Variants in CTNNA3 observed in about 807,000 individuals in gnomAD.
The protein encoded by CTNNA3 is catenin alpha 3, also known as catenin alpha-3.
CTNNA3 carries 76 observed loss-of-function variants against 95.7 expected under a neutral mutation model. The observed-to-expected ratio is 0.79, with a 90% CI of 0.66 to 0.96. CTNNA3 has a LOEUF of 0.96. CTNNA3 is among the 40% of genes least tolerant of loss of function. The pLI, the probability that CTNNA3 is intolerant of heterozygous loss-of-function variation, is 0.00. For synonymous variants in CTNNA3, 431 were observed against 374.4 expected (o/e 1.15, Z -1.74); for missense variants, 1,191 against 1,089.8 (o/e 1.09, Z -1.31).
intron 7 of CTNNA3, among the ~76,000 whole-genome samples, chr10:66,883,591 C>G (rs994205126): frequency 6.6e-6 from 1 of 152,056 alleles, no homozygotes; most frequent in South Asian, 2.1e-4. Context: ...AGGTAGATAC[C>G]AAAATGCCCA....
At chr10:67,514,212 A>G (rs1409557540) in intron 5 of CTNNA3, among the ~76,000 whole-genome samples, 1 of 152,188 alleles carries the variant, frequency 6.6e-6, no homozygotes, top group Non-Finnish European at 1.5e-5. Context: ...AGGCAAGAGA[A>G]TCACTTGAAC....
intron 9 of CTNNA3, among the ~76,000 whole-genome samples, chr10:66,765,385 C>T (rs2132781918): frequency 6.6e-6 from 1 of 152,232 alleles, no homozygotes; most frequent in African/African-American, 2.4e-5. Context: ...GCAGTCAAAA[C>T]ATTTAATAAC....
chr10:65,933,632 A>G (rs531231051), intron 17 of CTNNA3, among the ~76,000 whole-genome samples: 1 of 152,318 alleles, frequency 6.6e-6, no homozygotes, highest in Admixed American at 6.5e-5. Flanking sequence ...GATCTTCCTC[A>G]TAACACCAGT....
rs143910358 is a variant in CTNNA3 at position 67,176,521 on chromosome 10, T to C, written c.1047+3796A>G. On this transcript the variant is annotated intron_variant, in intron 7 of 17. Transcript: ENST00000433211. The stretch of plus-strand genomic sequence containing the variant: ...AATGGATTCGAAATGAAAGGATTGA[T>C]AATGATTCCACCAAAGAGACTAGGG... Among the ~76,000 whole-genome samples the C allele has an allele frequency of 3.0e-3, 450 of 152,318 alleles. 3 individuals are homozygous for C. Among genetic ancestry groups the C allele is most frequent in the African/African-American group, 0.01 (425 of 41,574 alleles).
intron 7 of CTNNA3, among the ~76,000 whole-genome samples, chr10:67,138,140 T>C (rs903155733): frequency 6.6e-6 from 1 of 152,050 alleles, no homozygotes; most frequent in Non-Finnish European, 1.5e-5. Flanking sequence ...TAGATTTATA[T>C]ATGTATGGGT....
chr10:65,946,354 A>G (rs949193384), intron 17 of CTNNA3, among the ~76,000 whole-genome samples: 1 of 152,152 alleles, frequency 6.6e-6, no homozygotes, highest in African/African-American at 2.4e-5. Flanking sequence ...TTAGCTTTAA[A>G]TAAAATTACA....
At chr10:66,636,010 G>C (rs879876036) in intron 9 of CTNNA3, among the ~76,000 whole-genome samples, 2 of 150,712 alleles carry the variant, frequency 1.3e-5, no homozygotes, top group African/African-American at 2.4e-5. Context: ...GTGTGTGTGT[G>C]TGTGTGTGTG....
At chr10:66,428,066 A>G (rs2093258856) in intron 11 of CTNNA3, among the ~76,000 whole-genome samples, 1 of 152,196 alleles carries the variant, frequency 6.6e-6, no homozygotes, top group African/African-American at 2.4e-5. Context: ...AGATCTATCA[A>G]GCAAATGGAG....
intron 7 of CTNNA3, among the ~76,000 whole-genome samples, chr10:66,840,740 C>A (rs7919083): frequency 0.62 from 93,843 of 151,810 alleles, 29,657 homozygotes; most frequent in African/African-American, 0.71. Flanking sequence ...TTTTTTAAAA[C>A]TTAAGATACA....
At chr10:67,349,987 T>C (rs1274275287) in intron 5 of CTNNA3, among the ~76,000 whole-genome samples, 2 of 152,148 alleles carry the variant, frequency 1.3e-5, no homozygotes, top group South Asian at 2.1e-4. Flanking sequence ...TTTGTGATGA[T>C]GAACTGTGAC....
chr10:67,414,249 A>G (rs1412761034), intron 5 of CTNNA3, among the ~76,000 whole-genome samples: 1 of 152,038 alleles, frequency 6.6e-6, no homozygotes, highest in Non-Finnish European at 1.5e-5. Flanking sequence ...AACACTAATG[A>G]TATTACAACT....
chr10:66,964,516 C>T (rs1849296745), intron 7 of CTNNA3, among the ~76,000 whole-genome samples: 1 of 152,132 alleles, frequency 6.6e-6, no homozygotes, highest in Admixed American at 6.5e-5. Context: ...ATTCCTATTT[C>T]CTAAGGAATG....
intron 7 of CTNNA3, among the ~76,000 whole-genome samples, chr10:66,956,990 C>T (rs1292588924): frequency 6.6e-6 from 1 of 152,136 alleles, no homozygotes; most frequent in Non-Finnish European, 1.5e-5. Flanking sequence ...GGTAATAAAA[C>T]CATGGAATGT....
intron 12 of CTNNA3, among the ~76,000 whole-genome samples, chr10:66,357,758 C>T (rs2092622424): frequency 6.6e-6 from 1 of 152,032 alleles, no homozygotes; most frequent in Non-Finnish European, 1.5e-5. Context: ...TATAAGTACG[C>T]ATGTGTAAGT....
intron 7 of CTNNA3, among the ~76,000 whole-genome samples, chr10:66,829,330 G>C (rs756575655): frequency 1.3e-5 from 2 of 152,150 alleles, no homozygotes; most frequent in Non-Finnish European, 1.5e-5. Flanking sequence ...GACATTATAG[G>C]CTGGGTGCGG....
At chr10:66,898,656 G>A (rs1026669201) in intron 7 of CTNNA3, among the ~76,000 whole-genome samples, 1 of 152,022 alleles carries the variant, frequency 6.6e-6, no homozygotes, top group African/African-American at 2.4e-5. Flanking sequence ...AACAAAACTG[G>A]ATCCTTACCT....
intron 13 of CTNNA3, among the ~76,000 whole-genome samples, chr10:66,172,574 C>A (rs922115982): frequency 6.6e-6 from 1 of 151,100 alleles, no homozygotes; most frequent in Non-Finnish European, 1.5e-5. Context: ...TTTTGATGAC[C>A]ATTATTTGCG....
chr10:66,461,479 C>A (rs10997144), intron 11 of CTNNA3, among the ~76,000 whole-genome samples: 5 of 151,708 alleles, frequency 3.3e-5, no homozygotes, highest in Admixed American at 2.0e-4. Context: ...ATATTTCCTA[C>A]GAAATTAACA....
chr10:66,912,704 G>A (rs1444396119), intron 7 of CTNNA3, among the ~76,000 whole-genome samples: 1 of 152,070 alleles, frequency 6.6e-6, no homozygotes, highest in South Asian at 2.1e-4. Context: ...CATTTTTGGA[G>A]GCTGCTGGGC....
Sources: allele counts gnomAD v4.1 joint callset (sites outside exome capture counted in the v4.1 genomes callset), GRCh38; gene constraint gnomAD v4.1.1; transcripts MANE v1.5; gene names NCBI Gene and HGNC (gene_info 2026-07-23, HGNC 2026-07-21).